GALNT13: variants seen among roughly 807,000 people sequenced by gnomAD.
GALNT13 encodes the protein polypeptide N-acetylgalactosaminyltransferase 13.
In GALNT13, 28 loss-of-function variants were observed where a neutral mutation model predicts 64.2. The ratio of observed to expected loss-of-function variants is 0.44; its 90% CI spans 0.32 to 0.60. GALNT13 has a LOEUF of 0.60. Among genes scored for constraint, GALNT13 ranks in the 20% least tolerant of loss-of-function variants. The pLI is 0.05. For missense variants in GALNT13, 577 were observed against 669.8 expected (o/e 0.86, Z 1.53); for synonymous variants, 214 against 224.6 (o/e 0.95, Z 0.42).
At chr2:153,993,396 TATTAA>T (rs973760666) in intron 3 of GALNT13, among the ~76,000 whole-genome samples, 4 of 152,028 alleles carry the variant, frequency 2.6e-5, no homozygotes, top group African/African-American at 9.7e-5. Context: ...TAGAAAGCAT[TATTAA>T]TATGATAAAT....
chr2:154,171,247 T>G (rs1221678190), intron 4 of GALNT13, among the ~76,000 whole-genome samples: 1 of 152,082 alleles, frequency 6.6e-6, no homozygotes, highest in African/African-American at 2.4e-5. Context: ...TATCAAATAA[T>G]AAAATTCTTA....
At chr2:153,836,845 C>T in the GALNT13 span, among the ~76,000 whole-genome samples, 2 of 151,972 alleles carry the variant, frequency 1.3e-5, no homozygotes, top group East Asian at 1.9e-4. Flanking sequence ...ACTCATCATT[C>T]TTTATGGCTG....
chr2:153,140,051 G>C, the GALNT13 span, among the ~76,000 whole-genome samples: 1 of 151,972 alleles, frequency 6.6e-6, no homozygotes, highest in African/African-American at 2.4e-5. Flanking sequence ...AGTGAGCAGA[G>C]AGGACATCAG....
At chr2:154,062,782 T>G (rs1700257979) in intron 3 of GALNT13, among the ~76,000 whole-genome samples, 1 of 152,170 alleles carries the variant, frequency 6.6e-6, no homozygotes, top group Non-Finnish European at 1.5e-5. Flanking sequence ...CTAGTGTAGT[T>G]TTGATACTTC....
the GALNT13 span, among the ~76,000 whole-genome samples, chr2:153,606,134 G>A: frequency 6.6e-6 from 1 of 152,072 alleles, no homozygotes; most frequent in Non-Finnish European, 1.5e-5. Context: ...GCAGGGCAGG[G>A]TTAACAAACA....
intron 12 of GALNT13, among the ~76,000 whole-genome samples, chr2:154,449,156 TG>T (rs1179710162): frequency 6.6e-6 from 1 of 151,974 alleles, no homozygotes; most frequent in African/African-American, 2.4e-5. Flanking sequence ...CTTGATTCCA[TG>T]TTTTGAAAGA....
chr2:153,078,939 G>T, the GALNT13 span, among the ~76,000 whole-genome samples: 1 of 152,222 alleles, frequency 6.6e-6, no homozygotes, highest in East Asian at 1.9e-4. Flanking sequence ...ATTTTTATGT[G>T]TTGTTGTAAT....
chr2:153,636,343 G>A, the GALNT13 span, among the ~76,000 whole-genome samples: 1 of 152,050 alleles, frequency 6.6e-6, no homozygotes, highest in Non-Finnish European at 1.5e-5. Flanking sequence ...ATGTCCCAGT[G>A]AATAGGTGCA....
the GALNT13 span, among the ~76,000 whole-genome samples, chr2:153,836,346 C>A: frequency 1.3e-4 from 19 of 151,986 alleles, no homozygotes; most frequent in African/African-American, 4.6e-4. Context: ...GGTTAGAACA[C>A]TTAAAATCTA....
intron 4 of GALNT13, among the ~76,000 whole-genome samples, chr2:154,176,848 G>C (rs1685682038): frequency 6.6e-6 from 1 of 152,068 alleles, no homozygotes; most frequent in Admixed American, 6.6e-5. Flanking sequence ...AATACTTAGT[G>C]ACTTCATTTT....
the GALNT13 span, among the ~76,000 whole-genome samples, chr2:153,768,310 T>A: frequency 9.8e-5 from 15 of 152,300 alleles, no homozygotes; most frequent in South Asian, 2.1e-4. Context: ...TAGGTACATT[T>A]GCTCTATAGT....
chr2:154,117,465 T>C (rs562273288), intron 3 of GALNT13, among the ~76,000 whole-genome samples: 1 of 152,078 alleles, frequency 6.6e-6, no homozygotes, highest in African/African-American at 2.4e-5. Flanking sequence ...GTATCATTCT[T>C]ATGCCTTTGC....
chr2:154,430,028 A>AT (rs1700642393), intron 11 of GALNT13, among the ~76,000 whole-genome samples: 1 of 152,154 alleles, frequency 6.6e-6, no homozygotes, highest in Admixed American at 6.5e-5. Flanking sequence ...CTCATTGATA[A>AT]TTTACTCAGT....
At chr2:154,414,789 G>GT (rs900105997) in intron 11 of GALNT13, among the ~76,000 whole-genome samples, 71 of 151,558 alleles carry the variant, frequency 4.7e-4, no homozygotes, top group Middle Eastern at 6.8e-3. Flanking sequence ...TTTGTTTACA[G>GT]TTTTTTTTAT....
the GALNT13 span, among the ~76,000 whole-genome samples, chr2:153,551,166 CATTGGATGTA>C: frequency 6.6e-6 from 1 of 152,112 alleles, no homozygotes; most frequent in Non-Finnish European, 1.5e-5. Context: ...CTTGTTTAGT[CATTGGATGTA>C]GGTTATCGCC....
In GALNT13 at chr2:153,884,827, A is replaced by ATGTG. The variant is rs1176473961; in HGVS notation, c.-177+12538_-177+12541dup. Among the ~76,000 whole-genome samples the ATGTG allele has an allele frequency of 4.9e-3, 548 of 111,822 alleles. 4 individuals are homozygous for ATGTG. The highest frequency in any genetic ancestry group is 0.02 in the African/African-American group (510 of 26,082). 73.4% of individuals were successfully genotyped at this position (111,822 alleles called of 152,430 possible). On this transcript the variant is annotated intron_variant, in intron 1 of 12. Transcript: ENST00000392825. ...TATATGTGTGTGTGTGTGTATATAT[A>ATGTG]TGTGTGTGTGTGTGTGTATATATGT...
At chr2:154,340,934 C>T (rs369954668) in intron 9 of GALNT13, among the ~76,000 whole-genome samples, 247 of 151,836 alleles carry the variant, frequency 1.6e-3, no homozygotes, top group African/African-American at 5.1e-3. Context: ...CAGTGCGCTG[C>T]GCACGCCTGT....
the GALNT13 span, among the ~76,000 whole-genome samples, chr2:153,404,088 T>G: frequency 3.8e-4 from 58 of 152,294 alleles, no homozygotes; most frequent in African/African-American, 1.3e-3. Flanking sequence ...TGATGTAGGC[T>G]CATTGGTGTG....
At chr2:154,295,341 C>A (rs1484497074) in intron 8 of GALNT13, among the ~76,000 whole-genome samples, 1 of 70,616 alleles carries the variant, frequency 1.4e-5, no homozygotes, top group East Asian at 5.5e-4. Flanking sequence ...ATTGAAAATT[C>A]TTTTTATTTT....
Sources: allele counts gnomAD v4.1 joint callset (sites outside exome capture counted in the v4.1 genomes callset), GRCh38; gene constraint gnomAD v4.1.1; transcripts MANE v1.5; gene names NCBI Gene and HGNC (gene_info 2026-07-23, HGNC 2026-07-21).